Variants in DCC observed in about 807,000 individuals in gnomAD.
The protein encoded by DCC is netrin receptor DCC.
In DCC, 58 loss-of-function variants were observed where a neutral mutation model predicts 172.5. The observed-to-expected ratio is 0.34, with a 90% CI of 0.27 to 0.42. The LOEUF (loss-of-function observed/expected upper bound fraction) is 0.42, where lower values mean the gene tolerates loss of function less well. Among genes scored for constraint, DCC ranks in the 10% least tolerant of loss-of-function variants. The pLI is 1.00. For synonymous variants in DCC, 709 were observed against 644.5 expected, an observed-to-expected ratio of 1.10 and a Z score of -1.52; for missense variants, 1,740 against 1,791.0, an observed-to-expected ratio of 0.97 and a Z score of 0.51.
chr18:53,051,163 G>A (rs919501781), intron 5 of DCC, among the ~76,000 whole-genome samples: 6 of 152,090 alleles, frequency 3.9e-5, no homozygotes, highest in African/African-American at 1.2e-4. Context: ...CTGGGAGGTC[G>A]AGGCTGCAGT....
intron 12 of DCC, among the ~76,000 whole-genome samples, chr18:53,274,279 T>A (rs748713388): frequency 6.6e-6 from 1 of 152,156 alleles, no homozygotes; most frequent in Admixed American, 6.6e-5. Flanking sequence ...ATATCAATCA[T>A]GTTTCATGTG....
chr18:52,802,027 C>T (rs913408716), intron 2 of DCC, among the ~76,000 whole-genome samples: 3 of 149,734 alleles, frequency 2.0e-5, no homozygotes, highest in Non-Finnish European at 3.0e-5. Flanking sequence ...TAACCATTCC[C>T]TTCTTTTTTT....
At chr18:52,616,601 G>A (rs1159169684) in intron 1 of DCC, among the ~76,000 whole-genome samples, 4 of 152,064 alleles carry the variant, frequency 2.6e-5, no homozygotes, top group African/African-American at 9.7e-5. Context: ...AAGTATCAAT[G>A]AACAAGTATT....
chr18:52,908,391 A>G (rs767402162), intron 3 of DCC, among the ~76,000 whole-genome samples: 3 of 152,188 alleles, frequency 2.0e-5, no homozygotes, highest in Non-Finnish European at 4.4e-5. Flanking sequence ...CAAAACATAC[A>G]TGCATCTATT....
At chr18:52,603,213 C>T (rs1568250751) in intron 1 of DCC, among the ~76,000 whole-genome samples, 1 of 151,926 alleles carries the variant, frequency 6.6e-6, no homozygotes, top group Non-Finnish European at 1.5e-5. Flanking sequence ...GAAACCAAGA[C>T]ATACTAAAAT....
intron 2 of DCC, chr18:52,809,359 T>C (rs546143723): frequency 9.3e-5 from 15 of 162,036 alleles, no homozygotes; most frequent in South Asian, 3.7e-4. Context: ...CAGCAAGCCT[T>C]TTATTCTCTG....
intron 23 of DCC, among the ~76,000 whole-genome samples, chr18:53,453,247 T>A (rs2145154536): frequency 6.6e-6 from 1 of 152,228 alleles, no homozygotes; most frequent in South Asian, 2.1e-4. Flanking sequence ...ATTTGTTCCA[T>A]TGAGGACCGC....
In DCC at chr18:53,533,067, C is replaced by A. The variant is rs1416011919; in HGVS notation, c.*2414C>A. The A allele has an allele frequency of 6.6e-6, 1 of 152,122 alleles. No homozygotes were observed. The highest frequency in any genetic ancestry group is 1.5e-5 in the Non-Finnish European group (1 of 68,024). 9.4% of individuals were successfully genotyped at this position (152,122 alleles called of 1,614,324 possible). On this transcript the variant is annotated 3_prime_UTR_variant, in exon 29 of 29. Coordinates refer to ENST00000442544, the MANE Select transcript of DCC (RefSeq NM_005215.4). Reference sequence around the variant, plus strand: ...ATAATACAATCAATTTAAACATCCTCAAAAAACTCTAGTATCATTTACCTG... The same window carrying A: ...ATAATACAATCAATTTAAACATCCTAAAAAAACTCTAGTATCATTTACCTG...
intron 9 of DCC, among the ~76,000 whole-genome samples, chr18:53,185,894 G>A (rs2055274201): frequency 6.6e-6 from 1 of 152,094 alleles, no homozygotes; most frequent in Non-Finnish European, 1.5e-5. Flanking sequence ...TTTTTTAAAG[G>A]CCACAGAATC....
intron 23 of DCC, among the ~76,000 whole-genome samples, chr18:53,457,715 TCTTAGACA>T (rs1403905723): frequency 6.6e-6 from 1 of 152,204 alleles, no homozygotes; most frequent in African/African-American, 2.4e-5. Flanking sequence ...TGAGTTATTA[TCTTAGACA>T]CATAGACACT....
chr18:52,844,117 GAATT>G (rs990969768), intron 2 of DCC, among the ~76,000 whole-genome samples: 4 of 152,084 alleles, frequency 2.6e-5, no homozygotes, highest in Non-Finnish European at 2.9e-5. Context: ...GTCATTGTGA[GAATT>G]AATCCACATA....
At chr18:53,445,546 A>T (rs1912545580) in intron 22 of DCC, among the ~76,000 whole-genome samples, 1 of 152,188 alleles carries the variant, frequency 6.6e-6, no homozygotes, top group African/African-American at 2.4e-5. Context: ...TTTCAATGAT[A>T]ATTAAGTACT....
At chr18:52,749,875 A>C (rs2036968473) in intron 1 of DCC, among the ~76,000 whole-genome samples, 1 of 152,184 alleles carries the variant, frequency 6.6e-6, no homozygotes, top group Non-Finnish European at 1.5e-5. Context: ...CTGCTCTTGA[A>C]TTTCAAATTT....
At chr18:52,385,485 G>A (rs562208245) in intron 1 of DCC, among the ~76,000 whole-genome samples, 1 of 151,964 alleles carries the variant, frequency 6.6e-6, no homozygotes, top group African/African-American at 2.4e-5. Flanking sequence ...GATTGCAGGC[G>A]TGAGCTACTG....
intron 1 of DCC, among the ~76,000 whole-genome samples, chr18:52,350,709 C>G (rs1984081390): frequency 6.6e-6 from 1 of 152,122 alleles, no homozygotes. Context: ...AATGGACTGA[C>G]AGAGCCAATT....
intron 9 of DCC, among the ~76,000 whole-genome samples, chr18:53,179,680 G>A (rs886762753): frequency 6.6e-6 from 1 of 152,016 alleles, no homozygotes; most frequent in Non-Finnish European, 1.5e-5. Context: ...ACAAAGTAGA[G>A]CAGCTGAATG....
intron 1 of DCC, among the ~76,000 whole-genome samples, chr18:52,666,384 T>C (rs2035459771): frequency 6.6e-6 from 1 of 152,204 alleles, no homozygotes; most frequent in Non-Finnish European, 1.5e-5. Flanking sequence ...TACTATGTAC[T>C]TAAGGGATCT....
At chr18:52,416,521 G>T (rs1193553054) in intron 1 of DCC, among the ~76,000 whole-genome samples, 1 of 151,576 alleles carries the variant, frequency 6.6e-6, no homozygotes, top group Admixed American at 6.6e-5. Flanking sequence ...TCTCTTTGTA[G>T]GTCACTCAGG....
At chr18:52,962,180 A>C (rs1334302830) in intron 5 of DCC, among the ~76,000 whole-genome samples, 18 of 151,560 alleles carry the variant, frequency 1.2e-4, no homozygotes, top group East Asian at 7.8e-4. Flanking sequence ...CAACCTACAA[A>C]ATGGGAGAAA....
Sources: allele counts gnomAD v4.1 joint callset (sites outside exome capture counted in the v4.1 genomes callset), GRCh38; gene constraint gnomAD v4.1.1; transcripts MANE v1.5; gene names NCBI Gene and HGNC (gene_info 2026-07-23, HGNC 2026-07-21).